The following ANTXR2 variants were observed in gnomAD, a reference collection of about 807,000 sequenced individuals.
The protein encoded by ANTXR2 is ANTXR cell adhesion molecule 2.
Under a neutral mutation model 73.7 loss-of-function variants are expected in ANTXR2, and 44 were observed. That is an observed-to-expected ratio of 0.60 (90% confidence interval 0.47 to 0.77). The LOEUF is 0.77. Among genes scored for constraint, ANTXR2 ranks in the 30% least tolerant of loss-of-function variants. ANTXR2 has a pLI of 0.00. For missense variants in ANTXR2, 604 were observed against 592.5 expected (o/e 1.02, Z -0.20); for synonymous variants, 217 against 205.9 (o/e 1.05, Z -0.46).
At chr4:80,032,949 A>G (rs1023670175) in intron 9 of ANTXR2, among the ~76,000 whole-genome samples, 4 of 151,940 alleles carry the variant, frequency 2.6e-5, no homozygotes, top group African/African-American at 9.7e-5. Flanking sequence ...AAAAAAGACT[A>G]TCTTCAATAA....
At chr4:79,985,351 A>G (rs1161184859) in intron 12 of ANTXR2, among the ~76,000 whole-genome samples, 1 of 150,964 alleles carries the variant, frequency 6.6e-6, no homozygotes, top group African/African-American at 2.4e-5. Context: ...CTCTGTCTCA[A>G]AAAAAAAAGA....
At position 79,926,935 on chromosome 4, in the gene ANTXR2, G is replaced by GTA. The variant is rs1727817303; in HGVS notation, c.1429-19469_1429-19468insTA. On this transcript the variant is annotated intron_variant, in intron 16 of 16. Transcript: ENST00000403729. ...CATATATGTGTATATATACACATGT[G>GTA]CATATATGTGTATATATACGTGTGC... 8.5e-5 allele frequency among the ~76,000 whole-genome samples: 7 copies of GTA among 82,812 alleles called. No homozygotes were observed. In the South Asian group the frequency reaches 4.2e-3, roughly 49 times the overall value. The allele number at this position is 82,812 out of a possible 152,430, so 54.3% of individuals were successfully genotyped here.
In ANTXR2 at chr4:79,903,342, C is replaced by T. The variant is rs1726780078; in HGVS notation, c.*4087G>A. ...ATAGAAAACACATTGAGTCAATTCT[C>T]CCTCTGTTTCTCTCTCTCTCTCTCT... On this transcript the variant is annotated 3_prime_UTR_variant, in exon 17 of 17. Coordinates refer to ENST00000403729, the MANE Select transcript of ANTXR2 (RefSeq NM_058172.6). 6.8e-6 allele frequency: 1 copy of T among 146,630 alleles called. No homozygotes were observed. The highest frequency in any genetic ancestry group is 1.5e-5 in the Non-Finnish European group (1 of 67,036). The allele number at this position is 146,630 out of a possible 1,614,324, so 9.1% of individuals were successfully genotyped here.
rs1553891371 is a variant in ANTXR2 at position 80,033,485 on chromosome 4, T to TAA, written c.782_783insTT (p.Glu261AspfsTer2). The TAA allele has an allele frequency of 6.3e-7, 1 of 1,598,560 alleles. No individual in the cohort carries two copies. Among genetic ancestry groups the TAA allele is most frequent in the Non-Finnish European group, 8.5e-7 (1 of 1,173,346 alleles). The stretch of plus-strand genomic sequence containing the variant: ...CTGGGGACCTACTCGTTGTATATGT[T>TAA]TCATTTACAGTGTAAGTGCAGAGAA... On this transcript the variant is annotated frameshift_variant, in exon 9 of 17. Coordinates refer to ENST00000403729, the MANE Select transcript of ANTXR2 (RefSeq NM_058172.6). LOFTEE classifies it high-confidence loss of function.
rs1013455743 is a variant in ANTXR2, at chr4:79,984,746, G to A, written c.1086+73C>T. 3.9e-6 allele frequency: 5 copies of A among 1,281,360 alleles called. No homozygotes were observed. In the Admixed American group the frequency reaches 9.7e-5, roughly 25 times the overall value. The allele number at this position is 1,281,360 out of a possible 1,614,324, so 79.4% of individuals were successfully genotyped here. ...TCATAGTTATCTAACAGACAAAATT[G>A]ATTAAATTTGGGCATGGTATCTGCA... On this transcript the variant is annotated intron_variant, in intron 13 of 16. Coordinates refer to ENST00000403729, the MANE Select transcript of ANTXR2 (RefSeq NM_058172.6).
chr4:80,059,573 G>C (rs960101593), intron 3 of ANTXR2, among the ~76,000 whole-genome samples: 8 of 152,000 alleles, frequency 5.3e-5, no homozygotes, highest in Admixed American at 3.9e-4. Context: ...GCTCAGGATG[G>C]TCTTGAACTC....
chr4:79,982,710 T>C (rs13107146), intron 14 of ANTXR2, among the ~76,000 whole-genome samples: 11,262 of 152,170 alleles, frequency 0.074, 483 homozygotes, highest in Middle Eastern at 0.11. Flanking sequence ...CTAGCAACTG[T>C]TTATAATCAT....
intron 7 of ANTXR2, among the ~76,000 whole-genome samples, chr4:80,043,651 G>A (rs572460482): frequency 6.6e-6 from 1 of 152,108 alleles, no homozygotes; most frequent in African/African-American, 2.4e-5. Context: ...TATTTGGCAA[G>A]GGAGAAGTGC....
intron 3 of ANTXR2, among the ~76,000 whole-genome samples, chr4:80,063,324 A>G (rs978205038): frequency 2.6e-5 from 4 of 152,086 alleles, no homozygotes; most frequent in Non-Finnish European, 4.4e-5. Context: ...TTAACAAAAA[A>G]CCTCAGGACT....
At chr4:79,933,003 A>G (rs752986541) in intron 16 of ANTXR2, among the ~76,000 whole-genome samples, 1 of 152,112 alleles carries the variant, frequency 6.6e-6, no homozygotes, top group Non-Finnish European at 1.5e-5. Flanking sequence ...ATTCTCCATC[A>G]TAAGCCTATT....
chr4:79,978,172 A>C lies in ANTXR2; in HGVS notation c.1182T>G (p.Val394=). The C allele has an allele frequency of 6.2e-7, 1 of 1,613,628 alleles. No homozygotes were observed. The highest frequency in any genetic ancestry group is 8.5e-7 in the Non-Finnish European group (1 of 1,179,724). ...RGVGGIKRME[V]RWGDKGSTEE... is the part of the protein sequence containing the mutation. ...CAGTAGATCCTTTATCACCCCAACG[A>C]ACCTGTAAAACAAAGGGAGAGTACT... is the stretch of plus-strand genomic sequence containing the variant. The change falls in exon 15 of 17, where the codon GTT becomes GTG. Residue 394 remains valine (V), a splice_region_variant and synonymous_variant. Coordinates refer to ENST00000403729, the MANE Select transcript of ANTXR2 (RefSeq NM_058172.6).
intron 14 of ANTXR2, among the ~76,000 whole-genome samples, chr4:79,980,224 T>G (rs1005070481): frequency 6.6e-6 from 1 of 152,146 alleles, no homozygotes; most frequent in Non-Finnish European, 1.5e-5. Context: ...GAGGGAGCTA[T>G]TTAATCATCA....
chr4:79,930,205 C>A (rs1297072093), intron 16 of ANTXR2, among the ~76,000 whole-genome samples: 2 of 151,878 alleles, frequency 1.3e-5, no homozygotes, highest in Non-Finnish European at 2.9e-5. Context: ...AAAAAGCCTA[C>A]CTTTATTACA....
At chr4:79,979,725 C>T (rs575807146) in intron 14 of ANTXR2, among the ~76,000 whole-genome samples, 46 of 152,264 alleles carry the variant, frequency 3.0e-4, no homozygotes, top group African/African-American at 1.0e-3. Flanking sequence ...ATGACCTTCT[C>T]TTTCCAATCA....
At chr4:79,926,172 A>G (rs1436552392) in intron 16 of ANTXR2, among the ~76,000 whole-genome samples, 1 of 152,162 alleles carries the variant, frequency 6.6e-6, no homozygotes, top group Non-Finnish European at 1.5e-5. Flanking sequence ...AAATAAGAAT[A>G]TGTATCCAAT....
At chr4:80,020,833 TA>T (rs1732124176) in intron 10 of ANTXR2, among the ~76,000 whole-genome samples, 1 of 152,202 alleles carries the variant, frequency 6.6e-6, no homozygotes, top group Non-Finnish European at 1.5e-5. Context: ...TATTTCTGTG[TA>T]AAGTATTTAC....
chr4:79,990,486 C>T (rs1730417598), intron 12 of ANTXR2, among the ~76,000 whole-genome samples: 1 of 147,536 alleles, frequency 6.8e-6, no homozygotes, highest in Admixed American at 6.8e-5. Flanking sequence ...TCAGAGATAA[C>T]AAAAACAAAT....
chr4:79,946,352 C>T (rs1728511359), intron 16 of ANTXR2, among the ~76,000 whole-genome samples: 1 of 152,146 alleles, frequency 6.6e-6, no homozygotes, highest in Non-Finnish European at 1.5e-5. Context: ...AGAAACAACC[C>T]ATTTCTGTGA....
intron 16 of ANTXR2, among the ~76,000 whole-genome samples, chr4:79,937,112 A>C (rs981573491): frequency 1.6e-4 from 24 of 152,146 alleles, no homozygotes; most frequent in Non-Finnish European, 3.5e-4. Flanking sequence ...ACACTCATAA[A>C]CTTAATTAAG....
Sources: gnomAD v4.1 joint callset for allele counts (sites outside exome capture counted in the v4.1 genomes callset) on GRCh38, gnomAD v4.1.1 for gene constraint, MANE v1.5 for transcripts, NCBI Gene and HGNC (gene_info 2026-07-23, HGNC 2026-07-21) for gene names.